SLC2A1: variants seen among roughly 807,000 people sequenced by gnomAD.
SLC2A1 encodes solute carrier family 2, facilitated glucose transporter member 1.
A neutral mutation model predicts 46.6 loss-of-function variants in SLC2A1; 4 were observed. The ratio of observed to expected loss-of-function variants is 0.09; its 90% CI spans 0.04 to 0.20. SLC2A1 has a LOEUF of 0.20. Ranked by LOEUF, SLC2A1 falls within the 10% of genes least tolerant of loss-of-function variation. The pLI, the probability that SLC2A1 is intolerant of heterozygous loss-of-function variation, is 1.00. For synonymous variants in SLC2A1, 253 were observed against 270.0 expected (o/e 0.94, Z 0.62); for missense variants, 352 against 667.0 (o/e 0.53, Z 5.20).
At position 42,927,589 on chromosome 1, in the gene SLC2A1, C is replaced by A. The variant is rs1185454684; in HGVS notation, c.1278+16G>T. ...TCATGCGTGCGGGTGAGTATAGAGA[C>A]AGTGGGGGTTCTCACCTCCACATAC... is the stretch of plus-strand genomic sequence containing the variant. On this transcript the variant is annotated intron_variant, in intron 9 of 9. Coordinates refer to ENST00000426263, the MANE Select transcript of SLC2A1 (RefSeq NM_006516.4). This position sits in a 1 kb window ranked among gnomAD's most constrained non-coding sequence, Gnocchi z 5.3. The A allele has an allele frequency of 1.5e-6, 2 of 1,321,842 alleles. No individual in the cohort carries two copies. The highest frequency in any genetic ancestry group is 2.1e-6 in the Non-Finnish European group (2 of 957,430). The allele number at this position is 1,321,842 out of a possible 1,614,324, so 81.9% of individuals were successfully genotyped here.
intron 8 of SLC2A1, among the ~76,000 whole-genome samples, chr1:42,928,550 G>C (rs1643452080): frequency 6.6e-6 from 1 of 152,230 alleles, no homozygotes. Flanking sequence ...CGTGTGAACT[G>C]AATGAGGCAA....
At chr1:42,958,394 G>A (rs1313687796) in intron 1 of SLC2A1, among the ~76,000 whole-genome samples, 3 of 150,728 alleles carry the variant, frequency 2.0e-5, no homozygotes, top group African/African-American at 7.3e-5. Flanking sequence ...GCTCAGTGCC[G>A]GCGCCAACTA....
At chr1:42,955,017 A>G (rs1446789877) in intron 1 of SLC2A1, among the ~76,000 whole-genome samples, 1 of 152,166 alleles carries the variant, frequency 6.6e-6, no homozygotes, top group Non-Finnish European at 1.5e-5. Flanking sequence ...ACAAGCCCCT[A>G]CTAGGAAGAA....
chr1:42,930,347 G>C lies in SLC2A1; in HGVS notation c.516+279C>G, dbSNP rs1350924137. The C allele has an allele frequency of 1.6e-6, 1 of 642,780 alleles. No homozygotes were observed. The highest frequency in any genetic ancestry group is 2.6e-5 in the Admixed American group (1 of 38,210). 39.8% of individuals were successfully genotyped at this position (642,780 alleles called of 1,614,324 possible). Reference sequence around the variant, plus strand: ...GGGAAGGGGAAGCCTCCTGGAGAGAGGGTACTGTGCATAACAGCCTGCGGC... The same window carrying C: ...GGGAAGGGGAAGCCTCCTGGAGAGACGGTACTGTGCATAACAGCCTGCGGC... On this transcript the variant is annotated intron_variant, in intron 4 of 9. Coordinates refer to ENST00000426263, the MANE Select transcript of SLC2A1 (RefSeq NM_006516.4). The surrounding 1 kb of genome is among the most constrained non-coding windows in gnomAD (Gnocchi z 6.2).
chr1:42,933,046 C>G (rs1405916411), intron 2 of SLC2A1, among the ~76,000 whole-genome samples: 1 of 152,172 alleles, frequency 6.6e-6, no homozygotes, highest in Non-Finnish European at 1.5e-5. Flanking sequence ...TGACCATGAG[C>G]AAGTTATTTC....
rs4658 is a variant in SLC2A1 at position 42,926,579 on chromosome 1, C to T, written c.*462G>A. 4.0e-5 allele frequency: 24 copies of T among 597,048 alleles called. No homozygotes were observed. Among genetic ancestry groups the T allele is most frequent in the South Asian group, 3.8e-4 (20 of 52,400 alleles). 37.0% of individuals were successfully genotyped at this position (597,048 alleles called of 1,614,324 possible). On this transcript the variant is annotated 3_prime_UTR_variant, in exon 10 of 10. Transcript: ENST00000426263. The stretch of plus-strand genomic sequence containing the variant: ...AGTGGGGAGATCCAGGCCAGCAGAA[C>T]GGGTGGCCATAGCCACCTCCTGGGA...
chr1:42,958,150 A>T (rs1174902727), intron 1 of SLC2A1, among the ~76,000 whole-genome samples: 2 of 152,002 alleles, frequency 1.3e-5, no homozygotes, highest in Admixed American at 1.3e-4. Flanking sequence ...AGGGGAGCAG[A>T]CGGAGAGCGG....
chr1:42,958,260 C>A (rs1570610917), intron 1 of SLC2A1, among the ~76,000 whole-genome samples: 1 of 151,408 alleles, frequency 6.6e-6, no homozygotes, highest in East Asian at 2.0e-4. Context: ...TCCCCCGCAC[C>A]GGGAGGGGCC....
In SLC2A1 at chr1:42,929,048, A is replaced by C; in HGVS notation, c.973-15T>G. ...ACCACAAACAGCTGTGGGCAGAGAC[A>C]GTGTCAGTGCCACCCCTGCCTAGTG... On this transcript the variant is annotated splice_polypyrimidine_tract_variant and intron_variant, in intron 7 of 9. Transcript: ENST00000426263. The surrounding 1 kb of genome is among the most constrained non-coding windows in gnomAD (Gnocchi z 6.0). The C allele has an allele frequency of 6.2e-7, 1 of 1,611,748 alleles. No homozygotes were observed. The highest frequency in any genetic ancestry group is 8.5e-7 in the Non-Finnish European group (1 of 1,178,864).
In SLC2A1 at chr1:42,927,366, G is replaced by T; in HGVS notation, c.1279-125C>A. On this transcript the variant is annotated intron_variant, in intron 9 of 9. Coordinates refer to ENST00000426263, the MANE Select transcript of SLC2A1 (RefSeq NM_006516.4). This position sits in a 1 kb window ranked among gnomAD's most constrained non-coding sequence, Gnocchi z 5.3. Reference sequence around the variant, plus strand: ...AGGGAACATCCACCTACCCAGGGATGCTATCATAATTAACTGAGACCACGC... The same window carrying T: ...AGGGAACATCCACCTACCCAGGGATTCTATCATAATTAACTGAGACCACGC... 1 of 930,044 alleles carries T rather than the reference G, an allele frequency of 1.1e-6. No individual in the cohort carries two copies. The highest frequency in any genetic ancestry group is 1.7e-6 in the Non-Finnish European group (1 of 580,218). The allele number at this position is 930,044 out of a possible 1,614,324, so 57.6% of individuals were successfully genotyped here.
intron 1 of SLC2A1, among the ~76,000 whole-genome samples, chr1:42,951,334 A>T (rs1464253521): frequency 6.6e-6 from 1 of 150,618 alleles, no homozygotes; most frequent in South Asian, 2.1e-4. Context: ...TGTTATGAAG[A>T]GTACCAGGGT....
At chr1:42,951,110 C>T (rs7522674) in intron 1 of SLC2A1, among the ~76,000 whole-genome samples, 22,110 of 152,152 alleles carry the variant, frequency 0.15, 1,819 homozygotes, top group South Asian at 0.19. Context: ...GGAAATTCAG[C>T]GATAAAACTA....
At chr1:42,928,019 T>C (rs1180759716) in intron 8 of SLC2A1, among the ~76,000 whole-genome samples, 1 of 152,144 alleles carries the variant, frequency 6.6e-6, no homozygotes, top group East Asian at 1.9e-4. Flanking sequence ...AAGTGTTGAG[T>C]CCACCCGCTG....
chr1:42,926,939 C>G lies in SLC2A1; in HGVS notation c.*102G>C, dbSNP rs1041683808. The G allele has an allele frequency of 1.3e-6, 2 of 1,547,116 alleles. No homozygotes were observed. The highest frequency in any genetic ancestry group is 2.7e-5 in the African/African-American group (2 of 73,052). ...GGAGAAAGGAGCCCCAGGCCCGGCT[C>G]GGCTGACATCTGTCAGGTTTGGAAG... On this transcript the variant is annotated 3_prime_UTR_variant, in exon 10 of 10. Coordinates refer to ENST00000426263, the MANE Select transcript of SLC2A1 (RefSeq NM_006516.4).
At position 42,929,734 on chromosome 1, in the gene SLC2A1, C is replaced by T. The variant is rs1570592618; in HGVS notation, c.726G>A (p.Gln242=). The change falls in exon 6 of 10, where the codon CAG becomes CAA. Residue 242 remains glutamine, a synonymous_variant. Transcript: ENST00000426263. The surrounding 1 kb of genome is among the most constrained non-coding windows in gnomAD (Gnocchi z 6.0). The part of the protein sequence containing the change: ...RGTADVTHDL[Q]EMKEESRQMM... ...TCTGCCGACTCTCTTCCTTCATCTC[C>T]TGCAGGTCATGGGTCACGTCAGCTG... The T allele has an allele frequency of 4.3e-6, 7 of 1,614,170 alleles. No homozygotes were observed. Among genetic ancestry groups the T allele is most frequent in the Non-Finnish European group, 5.9e-6 (7 of 1,180,036 alleles).
chr1:42,950,017 G>A (rs1206933666), intron 1 of SLC2A1, among the ~76,000 whole-genome samples: 1 of 152,120 alleles, frequency 6.6e-6, no homozygotes, highest in Admixed American at 6.5e-5. Flanking sequence ...GACAGCCCGG[G>A]CACAGGCTCA....
intron 2 of SLC2A1, among the ~76,000 whole-genome samples, chr1:42,932,336 C>G (rs1413934659): frequency 2.0e-5 from 3 of 151,782 alleles, no homozygotes; most frequent in Non-Finnish European, 4.4e-5. Context: ...TGAGCACACT[C>G]ACCACACTCT....
chr1:42,949,293 A>C (rs1334496429), intron 1 of SLC2A1, among the ~76,000 whole-genome samples: 2 of 152,152 alleles, frequency 1.3e-5, no homozygotes, highest in Non-Finnish European at 2.9e-5. Context: ...GAAAGAAAGA[A>C]GCTCAAGAAA....
Position 42,930,368 on chromosome 1 carries a change from G to A in SLC2A1, c.516+258C>T. 1 of 678,558 alleles carries A rather than the reference G, an allele frequency of 1.5e-6. No homozygotes were observed. Among genetic ancestry groups the A allele is most frequent in the Non-Finnish European group, 2.7e-6 (1 of 371,638 alleles). 42.0% of individuals were successfully genotyped at this position (678,558 alleles called of 1,614,324 possible). On this transcript the variant is annotated intron_variant, in intron 4 of 9. Coordinates refer to ENST00000426263, the MANE Select transcript of SLC2A1 (RefSeq NM_006516.4). The surrounding 1 kb of genome is among the most constrained non-coding windows in gnomAD (Gnocchi z 6.2). The stretch of plus-strand genomic sequence containing the variant: ...GAGAGGGTACTGTGCATAACAGCCT[G>A]CGGCATGTTGGGGGAAGGCGGGCCC...
Sources: gnomAD v4.1 joint callset for allele counts (sites outside exome capture counted in the v4.1 genomes callset) on GRCh38, gnomAD v4.1.1 for gene constraint, Gnocchi (gnomAD v3.1) non-coding constraint, MANE v1.5 for transcripts, NCBI Gene and HGNC (gene_info 2026-07-23, HGNC 2026-07-21) for gene names.